The following ALK variants were observed in gnomAD, a reference collection of about 807,000 sequenced individuals.
ALK encodes ALK tyrosine kinase receptor.
In ALK, 74 loss-of-function variants were observed where a neutral mutation model predicts 163.1. That is an observed-to-expected ratio of 0.45 (90% CI 0.38 to 0.55). The LOEUF (loss-of-function observed/expected upper bound fraction) is 0.55, where lower values mean the gene tolerates loss of function less well. Ranked by LOEUF, ALK falls within the 20% of genes least tolerant of loss-of-function variation. The pLI, the probability that ALK is intolerant of heterozygous loss-of-function variation, is 0.00. For missense variants in ALK, 2,063 were observed against 2,105.3 expected, an observed-to-expected ratio of 0.98 and a Z score of 0.39; for synonymous variants, 960 against 843.2, an observed-to-expected ratio of 1.14 and a Z score of -2.40.
chr2:29,382,718 C>T (rs1287567856), intron 5 of ALK, among the ~76,000 whole-genome samples: 1 of 152,168 alleles, frequency 6.6e-6, no homozygotes, highest in African/African-American at 2.4e-5. Flanking sequence ...CTGGCTTGCT[C>T]CCAAGCCACA....
intron 8 of ALK, among the ~76,000 whole-genome samples, chr2:29,297,932 G>A (rs1474875031): frequency 6.6e-6 from 1 of 152,120 alleles, no homozygotes; most frequent in Non-Finnish European, 1.5e-5. Context: ...TAGAAAGAAA[G>A]GTAAAATATG....
At chr2:29,504,747 C>G (rs1672270859) in intron 4 of ALK, among the ~76,000 whole-genome samples, 1 of 152,156 alleles carries the variant, frequency 6.6e-6, no homozygotes, top group South Asian at 2.1e-4. Flanking sequence ...GATCCCATAG[C>G]AGATAGGGAG....
intron 5 of ALK, among the ~76,000 whole-genome samples, chr2:29,352,755 A>G (rs1668152028): frequency 6.6e-6 from 1 of 152,174 alleles, no homozygotes; most frequent in Admixed American, 6.5e-5. Flanking sequence ...AGTGAGGAAT[A>G]AGAGGGTTTG....
At chr2:29,733,526 C>G (rs1403821283) in intron 1 of ALK, among the ~76,000 whole-genome samples, 1 of 152,206 alleles carries the variant, frequency 6.6e-6, no homozygotes, top group African/African-American at 2.4e-5. Context: ...CTTCACTTTC[C>G]TGTTCTGTGA....
chr2:29,821,732 T>C (rs1192387488), intron 1 of ALK, among the ~76,000 whole-genome samples: 1 of 152,140 alleles, frequency 6.6e-6, no homozygotes, highest in Non-Finnish European at 1.5e-5. Flanking sequence ...CCAATTGAAT[T>C]GTCCTGGCCT....
intron 5 of ALK, among the ~76,000 whole-genome samples, chr2:29,355,068 C>G (rs577420835): frequency 1.4e-4 from 22 of 152,264 alleles, no homozygotes; most frequent in Non-Finnish European, 2.6e-4. Flanking sequence ...GCCCGGCCAG[C>G]CCACTTTTCT....
intron 4 of ALK, among the ~76,000 whole-genome samples, chr2:29,470,941 T>C (rs1671333111): frequency 6.6e-6 from 1 of 152,166 alleles, no homozygotes; most frequent in Non-Finnish European, 1.5e-5. Context: ...TGGTGGCTAG[T>C]GGAGTTTAAG....
chr2:29,453,099 C>T (rs1670863218), intron 4 of ALK, among the ~76,000 whole-genome samples: 1 of 152,126 alleles, frequency 6.6e-6, no homozygotes, highest in Admixed American at 6.5e-5. Context: ...AGAATTGTAT[C>T]AATGTTGATT....
chr2:29,430,459 A>G (rs2148073696), intron 4 of ALK, among the ~76,000 whole-genome samples: 1 of 152,362 alleles, frequency 6.6e-6, no homozygotes, highest in East Asian at 1.9e-4. Flanking sequence ...AGGGCCATAC[A>G]GTCTTTAACA....
intron 4 of ALK, among the ~76,000 whole-genome samples, chr2:29,435,921 A>C (rs1670384908): frequency 6.6e-6 from 1 of 152,172 alleles, no homozygotes; most frequent in African/African-American, 2.4e-5. Context: ...ACTTTGGTCG[A>C]AAAAATGATA....
intron 4 of ALK, among the ~76,000 whole-genome samples, chr2:29,523,920 A>T (rs748572112): frequency 2.2e-5 from 3 of 137,322 alleles, no homozygotes; most frequent in Non-Finnish European, 3.0e-5. Flanking sequence ...AATCGTGAGT[A>T]AAAGTTGTAC....
chr2:29,796,281 G>A (rs372507158), intron 1 of ALK, among the ~76,000 whole-genome samples: 2 of 152,096 alleles, frequency 1.3e-5, no homozygotes, highest in African/African-American at 2.4e-5. Context: ...GGTGAGTGAC[G>A]ATCAGCAAAA....
rs545998282 is a variant in ALK, at chr2:29,491,590, C to T, written c.1154+40325G>A. Among the ~76,000 whole-genome samples, 26 of 152,222 alleles carry T rather than the reference C, an allele frequency of 1.7e-4. 1 individual carries two copies. The South Asian group carries it at 2.9e-3, about 17-fold the overall frequency. Reference sequence around the variant, plus strand: ...ACACATAGCACGAGCAACATTATTCCGACAAAATTGGAAAACAATTCAACA... The same window carrying T: ...ACACATAGCACGAGCAACATTATTCTGACAAAATTGGAAAACAATTCAACA... On this transcript the variant is annotated intron_variant, in intron 4 of 28. Coordinates refer to ENST00000389048, the MANE Select transcript of ALK (RefSeq NM_004304.5).
At chr2:29,251,003 T>C in intron 12 of ALK, 102 bp downstream of exon 12, 1 of 1,288,370 alleles carries the variant, frequency 7.8e-7, no homozygotes, top group Non-Finnish European at 1.1e-6. Flanking sequence ...CCTTTGAACC[T>C]TGACATGCCT....
intron 3 of ALK, among the ~76,000 whole-genome samples, chr2:29,560,309 G>A (rs1348733450): frequency 1.3e-5 from 2 of 152,104 alleles, no homozygotes; most frequent in Non-Finnish European, 2.9e-5. Context: ...CAATATATAT[G>A]AAGGCCAAAA....
At chr2:29,270,986 A>G (rs1346785026) in intron 11 of ALK, among the ~76,000 whole-genome samples, 1 of 152,208 alleles carries the variant, frequency 6.6e-6, no homozygotes, top group Admixed American at 6.6e-5. Context: ...CTAGCAAGGA[A>G]GAGGCCAGGA....
chr2:29,918,859 C>T (rs182459195), intron 1 of ALK, among the ~76,000 whole-genome samples: 22 of 152,272 alleles, frequency 1.4e-4, no homozygotes, highest in Admixed American at 5.2e-4. Context: ...AGAAAAGAAG[C>T]TGGGTTTGCT....
chr2:29,268,579 A>T (rs1180694736), intron 11 of ALK, among the ~76,000 whole-genome samples: 1 of 152,190 alleles, frequency 6.6e-6, no homozygotes. Context: ...GAACTATATG[A>T]GTTGTTAGTC....
chr2:29,323,695 G>T (rs774645293), intron 6 of ALK, among the ~76,000 whole-genome samples: 6 of 152,102 alleles, frequency 3.9e-5, no homozygotes, highest in Admixed American at 1.3e-4. Context: ...GTTAAGAGTC[G>T]GAACAAAGAC....
Sources: allele counts gnomAD v4.1 joint callset (sites outside exome capture counted in the v4.1 genomes callset), GRCh38; gene constraint gnomAD v4.1.1; transcripts MANE v1.5; gene names NCBI Gene and HGNC (gene_info 2026-07-23, HGNC 2026-07-21).